FRRS1L: variants seen among roughly 807,000 people sequenced by gnomAD.
FRRS1L encodes ferric chelate reductase 1 like.
In FRRS1L, 22 loss-of-function variants were observed where a neutral mutation model predicts 28.6. The observed-to-expected ratio is 0.77, with a 90% CI of 0.55 to 1.10. FRRS1L has a LOEUF of 1.10. Among genes scored for constraint, FRRS1L ranks in the 50% least tolerant of loss-of-function variants. The probability of loss-of-function intolerance (pLI) is 0.00; values close to 1 mark genes in which losing one functional copy is unlikely to be tolerated. For missense variants in FRRS1L, 380 were observed against 386.9 expected (o/e 0.98, Z 0.15); for synonymous variants, 158 against 151.4 (o/e 1.04, Z -0.32).
chr9:109,167,180 C>A lies in FRRS1L; in HGVS notation c.-42G>T. 3 of 1,156,186 alleles carry A rather than the reference C, an allele frequency of 2.6e-6. No individual in the cohort carries two copies. The highest frequency in any genetic ancestry group is 3.2e-6 in the Non-Finnish European group (3 of 942,206). The allele number at this position is 1,156,186 out of a possible 1,614,324, so 71.6% of individuals were successfully genotyped here. A position where few individuals can be genotyped will look rare whatever the true frequency, so the allele number is the denominator to read the frequency against. The stretch of plus-strand genomic sequence containing the variant: ...CGCAGCCAGGCCGCTCGGGCCGCAG[C>A]GGGGGCGCCGCGGGCGCGGGCCGGG... On this transcript the variant is annotated 5_prime_UTR_variant, in exon 1 of 5. Coordinates refer to ENST00000561981, the MANE Select transcript of FRRS1L (RefSeq NM_014334.4).
At chr9:109,153,372 C>G (rs1344346560) in intron 1 of FRRS1L, among the ~76,000 whole-genome samples, 1 of 152,158 alleles carries the variant, frequency 6.6e-6, no homozygotes, top group Non-Finnish European at 1.5e-5. Flanking sequence ...AATAAAAACT[C>G]TGGACACTGC....
chr9:109,130,558 C>A lies in FRRS1L; in HGVS notation c.*6897G>T, dbSNP rs911478884. 6.6e-6 allele frequency: 1 copy of A among 152,060 alleles called. No homozygotes were observed. The highest frequency in any genetic ancestry group is 2.4e-5 in the African/African-American group (1 of 41,392). The allele number at this position is 152,060 out of a possible 1,614,324, so 9.4% of individuals were successfully genotyped here. ...AGAGTAAAAATTTACATAAGATAGG[C>A]TTATAAATATACATAAATCTCAAAA... On this transcript the variant is annotated 3_prime_UTR_variant, in exon 5 of 5. Coordinates refer to ENST00000561981, the MANE Select transcript of FRRS1L (RefSeq NM_014334.4).
At position 109,132,034 on chromosome 9, in the gene FRRS1L, G is replaced by C. The variant is rs1190859279; in HGVS notation, c.*5421C>G. 6.7e-6 allele frequency: 1 copy of C among 150,350 alleles called. No individual in the cohort carries two copies. Among genetic ancestry groups the C allele is most frequent in the Non-Finnish European group, 1.5e-5 (1 of 67,178 alleles). 9.3% of individuals were successfully genotyped at this position (150,350 alleles called of 1,614,324 possible). ...TGTTACCCAGGCTGGAGTGCAGAGG[G>C]GCAATCTCGGCTCATTGAAAGCTCC... On this transcript the variant is annotated 3_prime_UTR_variant, in exon 5 of 5. Transcript: ENST00000561981.
rs1450339786 is a variant in FRRS1L, at chr9:109,131,380, A to G, written c.*6075T>C. On this transcript the variant is annotated 3_prime_UTR_variant, in exon 5 of 5. Transcript: ENST00000561981. ...ACTACATTGCTATAAACTCAAGCAT[A>G]GTTTTGCCTGTAATATGCATAATGT... 6 of 152,248 alleles carry G rather than the reference A, an allele frequency of 3.9e-5. No individual in the cohort carries two copies. Among genetic ancestry groups the G allele is most frequent in the African/African-American group, 1.4e-4 (6 of 41,474 alleles). 9.4% of individuals were successfully genotyped at this position (152,248 alleles called of 1,614,324 possible).
intron 2 of FRRS1L, 93 bp from the exon 3 acceptor site, chr9:109,147,282 A>G: frequency 1.9e-6 from 2 of 1,061,384 alleles, no homozygotes; most frequent in Non-Finnish European, 2.9e-6. Context: ...ATGCTAAGCA[A>G]TATTATTAAA....
intron 3 of FRRS1L, among the ~76,000 whole-genome samples, chr9:109,146,524 C>T (rs1364289633): frequency 6.6e-6 from 1 of 152,162 alleles, no homozygotes; most frequent in Non-Finnish European, 1.5e-5. Context: ...AACACCCCCA[C>T]ACATCTGGTC....
At chr9:109,165,042 G>C (rs769186439) in intron 1 of FRRS1L, among the ~76,000 whole-genome samples, 1 of 152,200 alleles carries the variant, frequency 6.6e-6, no homozygotes, top group Non-Finnish European at 1.5e-5. Context: ...TCATTTGTTA[G>C]ATGCATGAGC....
In FRRS1L at chr9:109,137,236, C is replaced by T; in HGVS notation, c.*219G>A. On this transcript the variant is annotated 3_prime_UTR_variant, in exon 5 of 5. Coordinates refer to ENST00000561981, the MANE Select transcript of FRRS1L (RefSeq NM_014334.4). ...AAATAAGAAAACATATGTGAAAGTGCTTAGAAAAGGTGTAAGTATGTTCCA... is the reference window on the plus strand; with the variant it reads ...AAATAAGAAAACATATGTGAAAGTGTTTAGAAAAGGTGTAAGTATGTTCCA... 2 of 305,362 alleles carry T rather than the reference C, an allele frequency of 6.5e-6. No homozygotes were observed. The highest frequency in any genetic ancestry group is 4.9e-5 in the Admixed American group (1 of 20,520). The allele number at this position is 305,362 out of a possible 1,614,324, so 18.9% of individuals were successfully genotyped here.
intron 4 of FRRS1L, 69 bp downstream of exon 4, chr9:109,141,274 T>C: frequency 6.4e-7 from 1 of 1,573,686 alleles, no homozygotes; most frequent in South Asian, 1.1e-5. Context: ...ACAGTGTGAC[T>C]TCAATTAACA....
At chr9:109,138,482 G>C (rs1441218352) in intron 4 of FRRS1L, 1 of 152,152 alleles carries the variant, frequency 6.6e-6, no homozygotes, top group East Asian at 1.9e-4. Flanking sequence ...GGGTTTTTAA[G>C]GTCCTATCTG....
rs143012599 is a variant in FRRS1L, at chr9:109,163,885, C to T, written c.238+3016G>A. Among the ~76,000 whole-genome samples the T allele has an allele frequency of 1.1e-4, 16 of 152,312 alleles. No individual in the cohort carries two copies. In the East Asian group the frequency reaches 2.7e-3, roughly 26 times the overall value. ...GTCAGGTTCCCTCCTTCCTTCTCCA[C>T]TGAATCTGTCCTAGGAGAGTTCCAC... On this transcript the variant is annotated intron_variant, in intron 1 of 4. Coordinates refer to ENST00000561981, the MANE Select transcript of FRRS1L (RefSeq NM_014334.4).
At chr9:109,155,361 GTA>G (rs1298939976) in intron 1 of FRRS1L, among the ~76,000 whole-genome samples, 1 of 152,150 alleles carries the variant, frequency 6.6e-6, no homozygotes, top group Non-Finnish European at 1.5e-5. Context: ...AAAAAATGAA[GTA>G]CTGATACATG....
rs570217106 is a variant in FRRS1L, at chr9:109,137,775, T to C, written c.710-148A>G. ...GATCTGGATTCAGGTATTTGAGTTA[T>C]CAGAATTCTCTATCATTGTACATAT... On this transcript the variant is annotated intron_variant, in intron 4 of 4. Coordinates refer to ENST00000561981, the MANE Select transcript of FRRS1L (RefSeq NM_014334.4). 18 of 428,844 alleles carry C rather than the reference T, an allele frequency of 4.2e-5. No homozygotes were observed. In the East Asian group the frequency reaches 5.7e-4, roughly 14 times the overall value. The allele number at this position is 428,844 out of a possible 1,614,324, so 26.6% of individuals were successfully genotyped here. A position where few individuals can be genotyped will look rare whatever the true frequency, so the allele number is the denominator to read the frequency against.
chr9:109,145,277 C>T (rs1397942699), intron 3 of FRRS1L, among the ~76,000 whole-genome samples: 1 of 152,250 alleles, frequency 6.6e-6, no homozygotes. Context: ...CCGCCTGTGC[C>T]TGGCCACAGT....
At chr9:109,151,513 T>G (rs1831329838) in intron 1 of FRRS1L, 1 of 198,502 alleles carries the variant, frequency 5.0e-6, no homozygotes, top group Non-Finnish European at 1.0e-5. Context: ...CTTATGAGAA[T>G]CTAATGCCTG....
chr9:109,149,505 T>G (rs1281376501), intron 2 of FRRS1L, 131 bp downstream of exon 2: 2 of 623,674 alleles, frequency 3.2e-6, no homozygotes, highest in African/African-American at 3.7e-5. Context: ...GTTACGAAAC[T>G]TCATAACCCT....
chr9:109,145,445 C>A (rs1178815536), intron 3 of FRRS1L, among the ~76,000 whole-genome samples: 1 of 152,218 alleles, frequency 6.6e-6, no homozygotes, highest in Non-Finnish European at 1.5e-5. Flanking sequence ...TGCCTGTAAT[C>A]CCGGCAATTT....
intron 1 of FRRS1L, among the ~76,000 whole-genome samples, chr9:109,163,536 A>T (rs566218271): frequency 5.9e-5 from 9 of 152,306 alleles, no homozygotes; most frequent in Non-Finnish European, 8.8e-5. Flanking sequence ...TTCTTGAGAC[A>T]GCAAATTAGC....
At chr9:109,137,768 T>C in intron 4 of FRRS1L, 141 bp from the exon 5 acceptor site, 1 of 443,262 alleles carries the variant, frequency 2.3e-6, no homozygotes, top group Non-Finnish European at 4.0e-6. Flanking sequence ...TTCAGGTATT[T>C]GAGTTATCAG....
Sources: gnomAD v4.1 joint callset for allele counts (sites outside exome capture counted in the v4.1 genomes callset) on GRCh38, gnomAD v4.1.1 for gene constraint, MANE v1.5 for transcripts, NCBI Gene and HGNC (gene_info 2026-07-23, HGNC 2026-07-21) for gene names.